Variants in VPS53 observed in about 807,000 individuals in gnomAD.
VPS53 encodes the protein VPS53 subunit of GARP complex, also known as vacuolar protein sorting-associated protein 53 homolog.
VPS53 carries 70 observed loss-of-function variants against 107.0 expected under a neutral mutation model. The ratio of observed to expected loss-of-function variants is 0.65; its 90% CI spans 0.54 to 0.80. The LOEUF (loss-of-function observed/expected upper bound fraction) is 0.80, where lower values mean the gene tolerates loss of function less well. Ranked by LOEUF, VPS53 falls within the 30% of genes least tolerant of loss-of-function variation. The probability of loss-of-function intolerance (pLI) is 0.00; values close to 1 mark genes in which losing one functional copy is unlikely to be tolerated. For synonymous variants in VPS53, 409 were observed against 393.3 expected, an observed-to-expected ratio of 1.04 and a Z score of -0.47; for missense variants, 917 against 1,049.4, an observed-to-expected ratio of 0.87 and a Z score of 1.74.
intron 13 of VPS53, among the ~76,000 whole-genome samples, 184 bp from the exon 14 acceptor site, chr17:562,929 G>A (rs1393556915): frequency 6.6e-6 from 1 of 152,042 alleles, no homozygotes; most frequent in Non-Finnish European, 1.5e-5. Context: ...TACAACAGCA[G>A]TAATAAAATC....
intron 9 of VPS53, 125 bp downstream of exon 9, chr17:627,963 C>T: frequency 1.0e-6 from 1 of 978,222 alleles, no homozygotes; most frequent in Non-Finnish European, 1.5e-6. Flanking sequence ...CCCTAGGACT[C>T]ACAGCTCAAC....
At chr17:627,050 T>C in intron 10 of VPS53, 124 bp downstream of exon 10, 1 of 1,281,062 alleles carries the variant, frequency 7.8e-7, no homozygotes, top group Non-Finnish European at 1.1e-6. Context: ...GAGGATGATA[T>C]TAGTCATCTG....
At chr17:683,900 T>A (rs1206176088) in intron 4 of VPS53, among the ~76,000 whole-genome samples, 1 of 152,226 alleles carries the variant, frequency 6.6e-6, no homozygotes, top group African/African-American at 2.4e-5. Context: ...AAAATTTATT[T>A]TTAATTACTC....
Position 516,150 on chromosome 17 carries a change from C to T in VPS53, c.*2978G>A, listed in dbSNP as rs1908296370. ...GCTGTTATCAGTAGAGAATCTTCACCACGTTGGCACCAGCTCAAGTGTAGT... is the reference window on the plus strand; with the variant it reads ...GCTGTTATCAGTAGAGAATCTTCACTACGTTGGCACCAGCTCAAGTGTAGT... On this transcript the variant is annotated 3_prime_UTR_variant, in exon 22 of 22. Coordinates refer to ENST00000437048, the MANE Select transcript of VPS53 (RefSeq NM_001128159.3). 6.6e-6 allele frequency: 1 copy of T among 151,940 alleles called. No individual in the cohort carries two copies. Among genetic ancestry groups the T allele is most frequent in the African/African-American group, 2.4e-5 (1 of 41,322 alleles). The allele number at this position is 151,940 out of a possible 1,614,324, so 9.4% of individuals were successfully genotyped here. A position where few individuals can be genotyped will look rare whatever the true frequency, so the allele number is the denominator to read the frequency against.
At chr17:561,727 T>A (rs1913018526) in intron 14 of VPS53, among the ~76,000 whole-genome samples, 1 of 152,192 alleles carries the variant, frequency 6.6e-6, no homozygotes, top group South Asian at 2.1e-4. Flanking sequence ...CCTCCCGGGT[T>A]CAAGTGATTC....
intron 11 of VPS53, among the ~76,000 whole-genome samples, chr17:605,536 G>C (rs564109661): frequency 4.8e-5 from 7 of 146,974 alleles, no homozygotes; most frequent in Non-Finnish European, 9.0e-5. Context: ...AGGAAGATGG[G>C]GGCCTGGGGT....
intron 13 of VPS53, among the ~76,000 whole-genome samples, chr17:566,819 C>T (rs934984320): frequency 6.6e-6 from 1 of 152,076 alleles, no homozygotes; most frequent in African/African-American, 2.4e-5. Context: ...TCTCAGCTCA[C>T]TGCAACCTCT....
At chr17:662,777 A>AAGAAAG (rs1971502988) in intron 4 of VPS53, among the ~76,000 whole-genome samples, 1 of 139,276 alleles carries the variant, frequency 7.2e-6, no homozygotes, top group Admixed American at 7.4e-5. Flanking sequence ...AAGAAAGAGA[A>AAGAAAG]AGAAAGAAAA....
chr17:693,606 T>C (rs1302156664), intron 4 of VPS53, among the ~76,000 whole-genome samples: 4 of 152,198 alleles, frequency 2.6e-5, no homozygotes, highest in South Asian at 2.1e-4. Flanking sequence ...TGGTGGCACA[T>C]GCCTGTAGTC....
chr17:634,795 T>C (rs865865431), intron 7 of VPS53, among the ~76,000 whole-genome samples: 68 of 151,926 alleles, frequency 4.5e-4, no homozygotes, highest in African/African-American at 1.4e-3. Flanking sequence ...CAGTCTATCA[T>C]TGATGGACAT....
intron 17 of VPS53, among the ~76,000 whole-genome samples, chr17:548,316 C>T (rs1484350038): frequency 6.6e-6 from 1 of 152,094 alleles, no homozygotes; most frequent in African/African-American, 2.4e-5. Flanking sequence ...TCAAGGAAGT[C>T]TCCTTCCGTC....
intron 1 of VPS53, chr17:714,066 T>C (rs1317449892): frequency 1.4e-5 from 2 of 143,362 alleles, no homozygotes; most frequent in South Asian, 2.2e-4. Flanking sequence ...AAAAAAAAAG[T>C]TCCTGAAGGG....
intron 6 of VPS53, among the ~76,000 whole-genome samples, chr17:654,632 G>C (rs926717975): frequency 2.0e-5 from 3 of 150,770 alleles, no homozygotes; most frequent in Non-Finnish European, 3.0e-5. Flanking sequence ...AGCTACTCGG[G>C]AGGCTGAGGC....
At chr17:682,356 C>T (rs1014112591) in intron 4 of VPS53, among the ~76,000 whole-genome samples, 2 of 152,030 alleles carry the variant, frequency 1.3e-5, no homozygotes, top group Non-Finnish European at 2.9e-5. Flanking sequence ...AGGAGGAAAA[C>T]GGAAACTGAA....
chr17:519,620 G>C lies in VPS53; in HGVS notation c.2328+206C>G, dbSNP rs535581639. On this transcript the variant is annotated intron_variant, in intron 21 of 21. Coordinates refer to ENST00000437048, the MANE Select transcript of VPS53 (RefSeq NM_001128159.3). The surrounding 1 kb of genome is among the most constrained non-coding windows in gnomAD (Gnocchi z 5.0). The stretch of plus-strand genomic sequence containing the variant: ...TCCTCCCTGTGCAGGTGGTCTCAGC[G>C]GGGCATGCAGGGCCTGTCAGAATCC... 2.0e-5 allele frequency among the ~76,000 whole-genome samples: 3 copies of C among 152,172 alleles called. No homozygotes were observed. The highest frequency in any genetic ancestry group is 7.2e-5 in the African/African-American group (3 of 41,412).
intron 4 of VPS53, among the ~76,000 whole-genome samples, chr17:670,194 GCAC>G: frequency 4.2e-4 from 1 of 2,372 alleles, no homozygotes; most frequent in Non-Finnish European, 2.4e-3. Flanking sequence ...TCTGAACTGG[GCAC>G]TGGTGAACTG....
chr17:551,068 G>C (rs1381889243), intron 17 of VPS53, among the ~76,000 whole-genome samples: 1 of 151,640 alleles, frequency 6.6e-6, no homozygotes, highest in Non-Finnish European at 1.5e-5. Flanking sequence ...AAGATAATAC[G>C]TAAATAAAGG....
Position 515,174 on chromosome 17 carries a change from A to G in VPS53, c.*3954T>C, listed in dbSNP as rs1318451203. 2 of 152,214 alleles carry G rather than the reference A, an allele frequency of 1.3e-5. No homozygotes were observed. Among genetic ancestry groups the G allele is most frequent in the African/African-American group, 4.8e-5 (2 of 41,448 alleles). 9.4% of individuals were successfully genotyped at this position (152,214 alleles called of 1,614,324 possible). On this transcript the variant is annotated 3_prime_UTR_variant, in exon 22 of 22. Transcript: ENST00000437048. Reference sequence around the variant, plus strand: ...GGACTGAGGGGAAGGAATGGGCACAATATCTAGGTCTAGCTGAATCACAGA... The same window carrying G: ...GGACTGAGGGGAAGGAATGGGCACAGTATCTAGGTCTAGCTGAATCACAGA...
chr17:662,783 G>C (rs12941730), intron 4 of VPS53, among the ~76,000 whole-genome samples: 6 of 130,098 alleles, frequency 4.6e-5, no homozygotes, highest in African/African-American at 1.7e-4. Flanking sequence ...GAGAAAGAAA[G>C]AAAAAAAGAA....
Sources: allele counts gnomAD v4.1 joint callset (sites outside exome capture counted in the v4.1 genomes callset), GRCh38; gene constraint gnomAD v4.1.1; non-coding constraint Gnocchi (gnomAD v3.1); transcripts MANE v1.5; gene names NCBI Gene and HGNC (gene_info 2026-07-23, HGNC 2026-07-21).